The following C10orf67 variants were observed in gnomAD, a reference collection of about 807,000 sequenced individuals.
C10orf67 encodes the protein uncharacterized protein C10orf67, mitochondrial.
Under a neutral mutation model 35.6 loss-of-function variants are expected in C10orf67, and 60 were observed. The ratio of observed to expected loss-of-function variants is 1.68; its 90% CI spans 1.37 to 2.09. The LOEUF is 2.09. Ranked by LOEUF, C10orf67 falls within the 30% of genes most tolerant of loss-of-function variation. C10orf67 has a pLI of 0.00. For missense variants in C10orf67, 474 were observed against 330.2 expected (o/e 1.44, Z -3.38); for synonymous variants, 167 against 115.8 (o/e 1.44, Z -2.84).
chr10:23,275,494 G>A (rs1264723079), intron 8 of C10orf67, among the ~76,000 whole-genome samples: 1 of 152,134 alleles, frequency 6.6e-6, no homozygotes, highest in African/African-American at 2.4e-5. Context: ...TAGGTAGGTT[G>A]CAGGTTTACA....
chr10:23,277,221 TTAAA>T (rs2132226033), intron 8 of C10orf67, among the ~76,000 whole-genome samples: 1 of 152,222 alleles, frequency 6.6e-6, no homozygotes, highest in East Asian at 1.9e-4. Context: ...CTACGAGAAT[TTAAA>T]TATTTTCCAG....
rs572019426 is a variant in C10orf67 at position 23,260,901 on chromosome 10, A to T, written c.1200+5361T>A. ...ATCTTTCCAATTTTAATACAAAAAG[A>T]CCTTTCAAATATTCTTATGCTTTAT... On this transcript the variant is annotated intron_variant, in intron 10 of 15. Transcript: ENST00000636213. Among the ~76,000 whole-genome samples, 3 of 152,334 alleles carry T rather than the reference A, an allele frequency of 2.0e-5. No homozygotes were observed. In the South Asian group the frequency reaches 6.2e-4, roughly 32 times the overall value.
intron 4 of C10orf67, among the ~76,000 whole-genome samples, chr10:23,309,512 G>C (rs1434318675): frequency 6.6e-6 from 1 of 152,166 alleles, no homozygotes; most frequent in African/African-American, 2.4e-5. Context: ...CATGTAACAA[G>C]CATGCACATA....
At chr10:23,262,544 C>A (rs1842779776) in intron 10 of C10orf67, among the ~76,000 whole-genome samples, 1 of 152,168 alleles carries the variant, frequency 6.6e-6, no homozygotes, top group Non-Finnish European at 1.5e-5. Context: ...GATTTCACAG[C>A]AAAATCTTCA....
chr10:23,210,529 C>T (rs1841280544), intron 15 of C10orf67, among the ~76,000 whole-genome samples: 1 of 152,122 alleles, frequency 6.6e-6, no homozygotes, highest in Non-Finnish European at 1.5e-5. Context: ...AAGTGATCCT[C>T]CCACCTCAGC....
chr10:23,251,377 G>C (rs535311986), intron 10 of C10orf67, among the ~76,000 whole-genome samples: 2 of 152,126 alleles, frequency 1.3e-5, no homozygotes, highest in Non-Finnish European at 2.9e-5. Flanking sequence ...GCTTCCCCCA[G>C]TTACTCATTT....
At chr10:23,286,663 G>C (rs1426952067) in intron 7 of C10orf67, among the ~76,000 whole-genome samples, 1 of 150,662 alleles carries the variant, frequency 6.6e-6, no homozygotes, top group Non-Finnish European at 1.5e-5. Context: ...AAAGGAGGGA[G>C]GAAAGGAGGG....
At chr10:23,284,463 C>T (rs911482751) in intron 7 of C10orf67, among the ~76,000 whole-genome samples, 1 of 151,516 alleles carries the variant, frequency 6.6e-6, no homozygotes, top group Non-Finnish European at 1.5e-5. Flanking sequence ...TGGGAGGATC[C>T]CTTGAGCCCA....
intron 1 of C10orf67, among the ~76,000 whole-genome samples, chr10:23,342,645 G>A (rs995494407): frequency 6.6e-6 from 1 of 152,210 alleles, no homozygotes; most frequent in Admixed American, 6.5e-5. Context: ...GCAAACACTA[G>A]AACAGGGTAG....
intron 1 of C10orf67, among the ~76,000 whole-genome samples, chr10:23,341,366 G>A (rs984835533): frequency 6.6e-6 from 1 of 152,036 alleles, no homozygotes; most frequent in African/African-American, 2.4e-5. Flanking sequence ...CTCCCCATCC[G>A]GGTTACTGGC....
chr10:23,315,309 T>C (rs77393163), intron 4 of C10orf67, among the ~76,000 whole-genome samples: 5,433 of 152,336 alleles, frequency 0.036, 311 homozygotes, highest in African/African-American at 0.12. Context: ...ATAAAGCATA[T>C]GGACAAAGAG....
At chr10:23,251,765 T>A (rs1488772240) in intron 10 of C10orf67, among the ~76,000 whole-genome samples, 1 of 152,236 alleles carries the variant, frequency 6.6e-6, no homozygotes, top group African/African-American at 2.4e-5. Flanking sequence ...CATCTTTTTT[T>A]CTTTTCATGT....
chr10:23,236,598 C>T (rs1038060133), intron 13 of C10orf67, among the ~76,000 whole-genome samples: 2 of 152,072 alleles, frequency 1.3e-5, no homozygotes, highest in African/African-American at 4.8e-5. Context: ...AAAACTTTGG[C>T]CGGGCGTGGT....
intron 2 of C10orf67, among the ~76,000 whole-genome samples, chr10:23,326,405 C>T (rs1027397093): frequency 6.6e-6 from 1 of 152,098 alleles, no homozygotes; most frequent in Non-Finnish European, 1.5e-5. Context: ...AAACAAAACA[C>T]AACTTGTCAA....
intron 10 of C10orf67, among the ~76,000 whole-genome samples, chr10:23,264,297 T>A (rs1220040140): frequency 6.6e-6 from 1 of 152,172 alleles, no homozygotes; most frequent in Non-Finnish European, 1.5e-5. Context: ...GTGACGGTAA[T>A]AACAGTGAAC....
At chr10:23,307,432 A>T (rs981890328) in intron 4 of C10orf67, among the ~76,000 whole-genome samples, 1 of 152,310 alleles carries the variant, frequency 6.6e-6, no homozygotes, top group East Asian at 1.9e-4. Context: ...GAATACCAGC[A>T]GACTAAGAAG....
At chr10:23,270,344 G>A (rs1447564406) in intron 8 of C10orf67, among the ~76,000 whole-genome samples, 6 of 152,180 alleles carry the variant, frequency 3.9e-5, no homozygotes, top group Non-Finnish European at 7.3e-5. Context: ...GGGAAACCAT[G>A]CTTCTCCCAT....
chr10:23,292,157 T>TC (rs1458784175), intron 5 of C10orf67, among the ~76,000 whole-genome samples: 6 of 137,636 alleles, frequency 4.4e-5, no homozygotes, highest in African/African-American at 1.7e-4. Flanking sequence ...GGACAGCTAC[T>TC]CTTTTTTTTT....
At chr10:23,232,621 G>C (rs2132124266) in intron 13 of C10orf67, among the ~76,000 whole-genome samples, 1 of 152,240 alleles carries the variant, frequency 6.6e-6, no homozygotes, top group South Asian at 2.1e-4. Context: ...CCTAAACCCT[G>C]CCACTTGGAG....
Sources: allele counts gnomAD v4.1 joint callset (sites outside exome capture counted in the v4.1 genomes callset), GRCh38; gene constraint gnomAD v4.1.1; transcripts MANE v1.5; gene names NCBI Gene and HGNC (gene_info 2026-07-23, HGNC 2026-07-21).